Variants in ZBTB16 observed in about 807,000 individuals in gnomAD.
ZBTB16 encodes the protein zinc finger and BTB domain-containing protein 16.
Under a neutral mutation model 56.8 loss-of-function variants are expected in ZBTB16, and 8 were observed. The ratio of observed to expected loss-of-function variants is 0.14; its 90% CI spans 0.08 to 0.25. The LOEUF is 0.25. Among genes scored for constraint, ZBTB16 ranks in the 10% least tolerant of loss-of-function variants. The pLI is 1.00. For missense variants in ZBTB16, 625 were observed against 903.0 expected (o/e 0.69, Z 3.95); for synonymous variants, 363 against 368.5 (o/e 0.98, Z 0.17).
intron 2 of ZBTB16, among the ~76,000 whole-genome samples, chr11:114,081,481 C>T (rs559241262): frequency 6.6e-6 from 1 of 152,230 alleles, no homozygotes; most frequent in East Asian, 1.9e-4. Flanking sequence ...TGACTTCTGT[C>T]TGGAGTGATT....
At chr11:114,162,280 C>T (rs1289464458) in intron 3 of ZBTB16, among the ~76,000 whole-genome samples, 1 of 152,142 alleles carries the variant, frequency 6.6e-6, no homozygotes, top group Non-Finnish European at 1.5e-5. Context: ...TGTGGCTTGT[C>T]CTTGTTCTGT....
intron 2 of ZBTB16, among the ~76,000 whole-genome samples, chr11:114,144,177 GACACAC>G (rs56679355): frequency 0.097 from 14,124 of 144,976 alleles, 934 homozygotes; most frequent in African/African-American, 0.18. Context: ...GTGTTTGCCA[GACACAC>G]ACACACACAC....
In ZBTB16 at chr11:114,253,539, G is replaced by T. The variant is rs961175350; in HGVS notation, c.*2984G>T. Among the ~76,000 whole-genome samples, 3 of 152,218 alleles carry T rather than the reference G, an allele frequency of 2.0e-5. No homozygotes were observed. Among genetic ancestry groups the T allele is most frequent in the Non-Finnish European group, 4.4e-5 (3 of 68,040 alleles). On this transcript the variant is annotated 3_prime_UTR_variant, in exon 7 of 7. Transcript: ENST00000335953. Reference sequence around the variant, plus strand: ...GTCGTAATCTGGTGTTGCAGCAATGGATGGTACTAAATCAGCACCTGGATG... The same window carrying T: ...GTCGTAATCTGGTGTTGCAGCAATGTATGGTACTAAATCAGCACCTGGATG...
intron 4 of ZBTB16, among the ~76,000 whole-genome samples, chr11:114,198,024 G>GA (rs36102991): frequency 1.5e-3 from 223 of 145,252 alleles, no homozygotes; most frequent in African/African-American, 3.4e-3. Context: ...AACTTTACAT[G>GA]AAAAAAAAAA....
chr11:114,097,628 C>G (rs1352849530), intron 2 of ZBTB16, among the ~76,000 whole-genome samples: 2 of 152,130 alleles, frequency 1.3e-5, no homozygotes, highest in Non-Finnish European at 2.9e-5. Flanking sequence ...TATCAGCGAT[C>G]AGTCTAGCGT....
At chr11:114,175,208 T>C (rs1443432728) in intron 3 of ZBTB16, among the ~76,000 whole-genome samples, 1 of 152,152 alleles carries the variant, frequency 6.6e-6, no homozygotes, top group African/African-American at 2.4e-5. Context: ...GCACAGAAAG[T>C]GGAGCTCAAC....
intron 2 of ZBTB16, among the ~76,000 whole-genome samples, chr11:114,134,395 T>C (rs974239405): frequency 3.3e-5 from 5 of 152,270 alleles, no homozygotes; most frequent in South Asian, 2.1e-4. Context: ...TATCCAAACT[T>C]GGTGGTAGCA....
intron 3 of ZBTB16, among the ~76,000 whole-genome samples, chr11:114,156,783 T>C (rs1002962310): frequency 1.3e-5 from 2 of 152,250 alleles, no homozygotes; most frequent in Non-Finnish European, 2.9e-5. Flanking sequence ...GTTCACATTA[T>C]ACAGGAGCCT....
intron 2 of ZBTB16, among the ~76,000 whole-genome samples, chr11:114,109,596 A>G (rs1940930045): frequency 6.6e-6 from 1 of 152,074 alleles, no homozygotes; most frequent in African/African-American, 2.4e-5. Flanking sequence ...AGTGAGCCTA[A>G]TGTAAACATC....
Position 114,099,630 on chromosome 11 carries a change from T to C in ZBTB16, c.1268+35062T>C, listed in dbSNP as rs76153814. ...TAAAGCTGTGTGGTGTCAGCTCAAG[T>C]GAGCGAAGCAGTGTGTGGTGTGTGT... On this transcript the variant is annotated intron_variant, in intron 2 of 6. Coordinates refer to ENST00000335953, the MANE Select transcript of ZBTB16 (RefSeq NM_006006.6). Among the ~76,000 whole-genome samples, 365 of 152,186 alleles carry C rather than the reference T, an allele frequency of 2.4e-3. 2 individuals carry two copies. Among genetic ancestry groups the C allele is most frequent in the African/African-American group, 8.3e-3 (345 of 41,498 alleles).
chr11:114,232,882 G>T (rs1424257530), intron 4 of ZBTB16, among the ~76,000 whole-genome samples: 1 of 152,136 alleles, frequency 6.6e-6, no homozygotes. Flanking sequence ...ACGGGCAGGC[G>T]TCCTGCGGGC....
At chr11:114,084,238 G>A (rs1288551759) in intron 2 of ZBTB16, among the ~76,000 whole-genome samples, 1 of 152,046 alleles carries the variant, frequency 6.6e-6, no homozygotes, top group Non-Finnish European at 1.5e-5. Flanking sequence ...CCTTTAGCTT[G>A]AATGGGTGGT....
At position 114,253,962 on chromosome 11, in the gene ZBTB16, T is replaced by C. The variant is rs556301308; in HGVS notation, c.*3407T>C. 2.8e-3 allele frequency among the ~76,000 whole-genome samples: 433 copies of C among 152,260 alleles called. 2 individuals are homozygous for C. Among genetic ancestry groups the C allele is most frequent in the African/African-American group, 0.01 (417 of 41,546 alleles). ...TTAGCTGTGGTACTGCTGACAACCC[T>C]GCTTGCTACTGCCTTATCCAGCACA... On this transcript the variant is annotated 3_prime_UTR_variant, in exon 7 of 7. Coordinates refer to ENST00000335953, the MANE Select transcript of ZBTB16 (RefSeq NM_006006.6).
At chr11:114,240,870 A>G (rs988712623) in intron 4 of ZBTB16, among the ~76,000 whole-genome samples, 3 of 152,234 alleles carry the variant, frequency 2.0e-5, no homozygotes, top group African/African-American at 7.2e-5. Context: ...ACAGTTGCCC[A>G]TCGGGTTTAG....
Position 114,060,438 on chromosome 11 carries a change from T to G in ZBTB16, c.-91+556T>G, listed in dbSNP as rs1278290312. On this transcript the variant is annotated intron_variant, in intron 1 of 6. Transcript: ENST00000335953. This position sits in a 1 kb window ranked among gnomAD's most constrained non-coding sequence, Gnocchi z 6.0. ...TTCTCTTTGAGAAAACGTGGTGGGC[T>G]TTTTCTTGATTGGACTTGATCCCCA... The G allele has an allele frequency of 1.3e-5, 2 of 152,172 alleles. No homozygotes were observed. Among genetic ancestry groups the G allele is most frequent in the Admixed American group, 6.5e-5 (1 of 15,288 alleles). The allele number at this position is 152,172 out of a possible 1,614,324, so 9.4% of individuals were successfully genotyped here.
At chr11:114,230,162 A>G (rs1444372982) in intron 4 of ZBTB16, among the ~76,000 whole-genome samples, 2 of 152,066 alleles carry the variant, frequency 1.3e-5, no homozygotes, top group African/African-American at 4.8e-5. Flanking sequence ...TTTATTGTTT[A>G]TTCCTCTGAC....
In ZBTB16 at chr11:114,219,943, C is replaced by A. The variant is rs1213138791; in HGVS notation, c.1454-22224C>A. 2.0e-5 allele frequency among the ~76,000 whole-genome samples: 3 copies of A among 152,208 alleles called. No homozygotes were observed. The East Asian group carries it at 5.8e-4, about 29-fold the overall frequency. On this transcript the variant is annotated intron_variant, in intron 4 of 6. Transcript: ENST00000335953. ...AGGACTGGGACAGTGAGGGGGAATG[C>A]TGTGGGTCCCTTTTCACATAGTCTG...
chr11:114,182,471 C>G (rs552342378), intron 3 of ZBTB16, among the ~76,000 whole-genome samples: 1 of 152,090 alleles, frequency 6.6e-6, no homozygotes, highest in Non-Finnish European at 1.5e-5. Flanking sequence ...GCAGGGATTT[C>G]GTCTCTTTTG....
At chr11:114,121,851 A>G (rs1352124154) in intron 2 of ZBTB16, 5 of 455,598 alleles carry the variant, frequency 1.1e-5, no homozygotes, top group Middle Eastern at 3.2e-4. Context: ...CCTGTTGGCA[A>G]CACTTCATTT....
Sources: allele counts gnomAD v4.1 joint callset (sites outside exome capture counted in the v4.1 genomes callset), GRCh38; gene constraint gnomAD v4.1.1; non-coding constraint Gnocchi (gnomAD v3.1); transcripts MANE v1.5; gene names NCBI Gene and HGNC (gene_info 2026-07-23, HGNC 2026-07-21).